Variants in ZEB1 observed in about 807,000 individuals in gnomAD.
The protein encoded by ZEB1 is zinc finger E-box binding homeobox 1.
In ZEB1, 21 loss-of-function variants were observed where a neutral mutation model predicts 84.9. The observed-to-expected ratio is 0.25, with a 90% CI of 0.18 to 0.36. The LOEUF is 0.36. ZEB1 is among the 10% of genes least tolerant of loss of function. The pLI is 1.00. For synonymous variants in ZEB1, 420 were observed against 471.1 expected (o/e 0.89, Z 1.41); for missense variants, 1,104 against 1,330.2 (o/e 0.83, Z 2.65).
Position 31,527,134 on chromosome 10 carries a change from A to G in ZEB1, c.3248A>G (p.Asn1083Ser), listed in dbSNP as rs1158050644. The change falls in exon 9 of 9, where the codon AAT (asparagine) becomes AGT (serine). Residue 1083 changes from asparagine to serine, a missense_variant. By Grantham distance (46) the Asn-to-Ser change is conservative. Transcript: ENST00000424869. ...GAAGAAGAGGTAGAAGAGGCAGAGAATGAGGGAGAAGAAGCAAAAACTGAA... is the reference window on the plus strand; with the variant it reads ...GAAGAAGAGGTAGAAGAGGCAGAGAGTGAGGGAGAAGAAGCAAAAACTGAA... The part of the protein sequence containing the change: ...VEEEEVEEAE[N>S]EGEEAKTEGL... 2.5e-6 allele frequency: 4 copies of G among 1,608,464 alleles called. No individual in the cohort carries two copies. Among genetic ancestry groups the G allele is most frequent in the Admixed American group, 3.3e-5 (2 of 59,824 alleles).
intron 4 of ZEB1, among the ~76,000 whole-genome samples, chr10:31,508,332 G>A (rs1279079280): frequency 6.6e-6 from 1 of 152,128 alleles, no homozygotes; most frequent in Non-Finnish European, 1.5e-5. Context: ...CAGGTTCTCA[G>A]GCTCCTGGGC....
intron 1 of ZEB1, among the ~76,000 whole-genome samples, chr10:31,398,395 A>G (rs2051227394): frequency 6.6e-6 from 1 of 152,114 alleles, no homozygotes; most frequent in Admixed American, 6.6e-5. Context: ...ATTATTTTTA[A>G]TGGGGGATAT....
In ZEB1 at chr10:31,529,576, T is replaced by G. The variant is rs1834749676; in HGVS notation, c.*2312T>G. On this transcript the variant is annotated 3_prime_UTR_variant, in exon 9 of 9. Transcript: ENST00000424869. The stretch of plus-strand genomic sequence containing the variant: ...GGAACAGGAACCACATTTGTCATAG[T>G]CACTCTCACATTCCTCACTGCCTAA... 6.6e-6 allele frequency: 1 copy of G among 152,232 alleles called. No individual in the cohort carries two copies. Among genetic ancestry groups the G allele is most frequent in the Non-Finnish European group, 1.5e-5 (1 of 68,032 alleles). The allele number at this position is 152,232 out of a possible 1,614,324, so 9.4% of individuals were successfully genotyped here.
intron 3 of ZEB1, among the ~76,000 whole-genome samples, chr10:31,497,618 T>G (rs1194149517): frequency 6.6e-6 from 1 of 152,110 alleles, no homozygotes; most frequent in Non-Finnish European, 1.5e-5. Context: ...TGCCTTTGCT[T>G]TTGTTACTTC....
intron 1 of ZEB1, among the ~76,000 whole-genome samples, chr10:31,337,608 T>G (rs776884445): frequency 6.6e-6 from 1 of 151,932 alleles, no homozygotes; most frequent in Non-Finnish European, 1.5e-5. Flanking sequence ...TGTAATCAAT[T>G]TCTTTTGAGT....
chr10:31,366,681 T>G (rs182512259), intron 1 of ZEB1, among the ~76,000 whole-genome samples: 52 of 152,382 alleles, frequency 3.4e-4, no homozygotes, highest in Middle Eastern at 3.4e-3. Context: ...GTGCTCACAC[T>G]GTTTTCTTTG....
At chr10:31,345,394 A>C (rs942144194) in intron 1 of ZEB1, among the ~76,000 whole-genome samples, 3 of 152,178 alleles carry the variant, frequency 2.0e-5, no homozygotes, top group African/African-American at 7.2e-5. Flanking sequence ...TAATGACAGG[A>C]AAGTAAACTG....
chr10:31,456,230 G>C (rs1246716012), intron 1 of ZEB1, among the ~76,000 whole-genome samples: 3 of 152,098 alleles, frequency 2.0e-5, no homozygotes, highest in Non-Finnish European at 2.9e-5. Flanking sequence ...ACATAGGAAG[G>C]GCAGCATCAC....
intron 1 of ZEB1, among the ~76,000 whole-genome samples, chr10:31,452,711 G>GTA (rs2060713769): frequency 9.0e-6 from 1 of 111,654 alleles, no homozygotes; most frequent in Non-Finnish European, 1.8e-5. Context: ...ATGTGTGTGT[G>GTA]TGTGTGTGTG....
intron 1 of ZEB1, among the ~76,000 whole-genome samples, chr10:31,351,254 T>C (rs1422479199): frequency 6.6e-6 from 1 of 152,196 alleles, no homozygotes; most frequent in African/African-American, 2.4e-5. Context: ...GCTCTGGAAA[T>C]CTCTTTTTAG....
chr10:31,487,278 T>C (rs986457186), intron 2 of ZEB1, among the ~76,000 whole-genome samples: 4 of 151,476 alleles, frequency 2.6e-5, no homozygotes, highest in South Asian at 4.1e-4. Context: ...TCTATTTATA[T>C]TAAAAATAAT....
intron 1 of ZEB1, among the ~76,000 whole-genome samples, chr10:31,458,336 T>TGTTG (rs1554882634): frequency 3.7e-4 from 38 of 102,286 alleles, no homozygotes; most frequent in African/African-American, 2.1e-3. Context: ...TGTGTGTGTG[T>TGTTG]TGTGTGTGTG....
chr10:31,385,976 A>G (rs542959253), intron 1 of ZEB1, among the ~76,000 whole-genome samples: 51 of 152,322 alleles, frequency 3.3e-4, no homozygotes, highest in Non-Finnish European at 2.5e-4. Context: ...GACAAAATGT[A>G]CATACGAAAA....
At chr10:31,507,970 T>A (rs902717175) in intron 4 of ZEB1, among the ~76,000 whole-genome samples, 5 of 152,202 alleles carry the variant, frequency 3.3e-5, no homozygotes, top group African/African-American at 1.2e-4. Context: ...TTTTTGGATT[T>A]GCTTTCATTG....
intron 1 of ZEB1, among the ~76,000 whole-genome samples, chr10:31,443,673 T>C (rs1359137707): frequency 6.7e-6 from 1 of 150,236 alleles, no homozygotes; most frequent in East Asian, 2.0e-4. Context: ...TTTGGTTTTT[T>C]GTTCTTGCGA....
intron 1 of ZEB1, among the ~76,000 whole-genome samples, chr10:31,366,300 CAATT>C (rs1176941536): frequency 6.6e-6 from 1 of 152,110 alleles, no homozygotes; most frequent in African/African-American, 2.4e-5. Context: ...TCCTCACTGC[CAATT>C]AATTAATTTT....
chr10:31,372,919 C>T (rs373153903), intron 1 of ZEB1: 4 of 765,640 alleles, frequency 5.2e-6, no homozygotes, highest in East Asian at 1.3e-4. Context: ...ACTGCTTGAA[C>T]AGGAGGCAAA....
intron 1 of ZEB1, chr10:31,363,480 G>A (rs2043767638): frequency 6.5e-7 from 1 of 1,532,100 alleles, no homozygotes; most frequent in Non-Finnish European, 8.7e-7. Context: ...GAGTCTCCAG[G>A]GGCCTAGAGG....
At chr10:31,391,356 G>GTC (rs1393175360) in intron 1 of ZEB1, among the ~76,000 whole-genome samples, 1 of 151,006 alleles carries the variant, frequency 6.6e-6, no homozygotes, top group African/African-American at 2.4e-5. Flanking sequence ...CACCTGAAAG[G>GTC]TCTCAAATAT....
Sources: gnomAD v4.1 joint callset for allele counts (sites outside exome capture counted in the v4.1 genomes callset) on GRCh38, gnomAD v4.1.1 for gene constraint, MANE v1.5 for transcripts, NCBI Gene and HGNC (gene_info 2026-07-23, HGNC 2026-07-21) for gene names.